The following MDGA2 variants were observed in gnomAD, a reference collection of about 807,000 sequenced individuals.
MDGA2 encodes MAM domain containing glycosylphosphatidylinositol anchor 2.
In MDGA2, 40 loss-of-function variants were observed where a neutral mutation model predicts 117.8. The ratio of observed to expected loss-of-function variants is 0.34; its 90% CI spans 0.26 to 0.44. The LOEUF is 0.44. Among genes scored for constraint, MDGA2 ranks in the 20% least tolerant of loss-of-function variants. The probability of loss-of-function intolerance (pLI) is 1.00; values close to 1 mark genes in which losing one functional copy is unlikely to be tolerated. For missense variants in MDGA2, 1,123 were observed against 1,250.6 expected (o/e 0.90, Z 1.54); for synonymous variants, 452 against 439.0 (o/e 1.03, Z -0.37).
rs182128123 is a variant in MDGA2 at position 47,099,864 on chromosome 14, C to T, written c.926-2741G>A. On this transcript the variant is annotated intron_variant, in intron 5 of 16. Transcript: ENST00000399232. ...GAAGTCCTTTTGATAATAGCTAGTA[C>T]AAAGGATGCACAAAGTGTTTTCTTT... is the stretch of plus-strand genomic sequence containing the variant. 1.3e-3 allele frequency among the ~76,000 whole-genome samples: 198 copies of T among 152,044 alleles called. 3 individuals are homozygous for T. Among genetic ancestry groups the T allele is most frequent in the Non-Finnish European group, 2.2e-4 (15 of 67,918 alleles).
intron 1 of MDGA2, among the ~76,000 whole-genome samples, chr14:47,624,377 G>C (rs1043781635): frequency 1.3e-5 from 2 of 152,170 alleles, no homozygotes; most frequent in Admixed American, 1.3e-4. Flanking sequence ...ACAATCGTTT[G>C]AACCTAGGAG....
chr14:47,144,787 T>C (rs1417577468), intron 3 of MDGA2, among the ~76,000 whole-genome samples: 1 of 149,988 alleles, frequency 6.7e-6, no homozygotes, highest in African/African-American at 2.5e-5. Context: ...TAGCTGAGAC[T>C]ACAGGCATGT....
chr14:47,426,393 C>T (rs1192346419), intron 1 of MDGA2, among the ~76,000 whole-genome samples: 5 of 151,646 alleles, frequency 3.3e-5, no homozygotes, highest in Non-Finnish European at 7.4e-5. Context: ...TTCAGTATGC[C>T]CCTACTTTTT....
chr14:47,133,840 T>A (rs1313536543), intron 4 of MDGA2, among the ~76,000 whole-genome samples: 1 of 151,962 alleles, frequency 6.6e-6, no homozygotes, highest in African/African-American at 2.4e-5. Flanking sequence ...TCATGTTCAA[T>A]CCCAATTATT....
chr14:47,377,537 C>T (rs1378062792), intron 1 of MDGA2, among the ~76,000 whole-genome samples: 1 of 152,140 alleles, frequency 6.6e-6, no homozygotes, highest in Non-Finnish European at 1.5e-5. Context: ...TTCCAACAGT[C>T]TTAGCAAACG....
In MDGA2 at chr14:47,399,796, T is replaced by G. The variant is rs141990158; in HGVS notation, c.281-98246A>C. ...AATGCTGTATAACAATGCATGGTAATTATCAAATTTAGGATATAAAAATAA... is the reference window on the plus strand; with the variant it reads ...AATGCTGTATAACAATGCATGGTAAGTATCAAATTTAGGATATAAAAATAA... On this transcript the variant is annotated intron_variant, in intron 1 of 16. Transcript: ENST00000399232. Among the ~76,000 whole-genome samples, 425 of 152,206 alleles carry G rather than the reference T, an allele frequency of 2.8e-3. 4 individuals carry two copies. Among genetic ancestry groups the G allele is most frequent in the East Asian group, 0.018 (91 of 5,166 alleles).
intron 1 of MDGA2, among the ~76,000 whole-genome samples, chr14:47,363,251 T>G (rs1314928471): frequency 6.6e-6 from 1 of 152,092 alleles, no homozygotes; most frequent in Non-Finnish European, 1.5e-5. Flanking sequence ...TGTGTTTAAT[T>G]TATTTATTTT....
At chr14:47,085,273 T>C (rs1890855992) in intron 6 of MDGA2, among the ~76,000 whole-genome samples, 1 of 152,068 alleles carries the variant, frequency 6.6e-6, no homozygotes, top group Non-Finnish European at 1.5e-5. Context: ...ATTTGAAATA[T>C]AATGGTATAG....
intron 4 of MDGA2, among the ~76,000 whole-genome samples, chr14:47,139,747 T>G (rs1196717013): frequency 6.7e-6 from 1 of 149,454 alleles, no homozygotes; most frequent in Non-Finnish European, 1.5e-5. Flanking sequence ...TATATGTATA[T>G]GTTTATATAA....
chr14:47,668,315 C>T (rs1898013485), intron 1 of MDGA2, among the ~76,000 whole-genome samples: 2 of 152,168 alleles, frequency 1.3e-5, no homozygotes, highest in Non-Finnish European at 2.9e-5. Flanking sequence ...TAATTAAGTA[C>T]ATGCCCCATT....
chr14:46,962,595 C>T (rs1885855272), intron 8 of MDGA2, among the ~76,000 whole-genome samples: 1 of 152,084 alleles, frequency 6.6e-6, no homozygotes, highest in African/African-American at 2.4e-5. Flanking sequence ...TTCAAATAAA[C>T]ATTTTAAATG....
At chr14:46,886,102 A>G (rs1882664399) in intron 10 of MDGA2, among the ~76,000 whole-genome samples, 1 of 152,158 alleles carries the variant, frequency 6.6e-6, no homozygotes, top group Non-Finnish European at 1.5e-5. Flanking sequence ...TCCATGAAAA[A>G]TTGTCTTTCA....
At chr14:47,518,354 GATAA>G (rs1297934021) in intron 1 of MDGA2, among the ~76,000 whole-genome samples, 4 of 152,010 alleles carry the variant, frequency 2.6e-5, no homozygotes, top group African/African-American at 4.8e-5. Flanking sequence ...TCTATATAGA[GATAA>G]ATAATTTCTA....
intron 10 of MDGA2, among the ~76,000 whole-genome samples, chr14:46,897,383 G>A (rs73235212): frequency 0.037 from 5,630 of 152,112 alleles, 364 homozygotes; most frequent in African/African-American, 0.13. Flanking sequence ...GGAGAAACAC[G>A]TGATGTCTTA....
intron 1 of MDGA2, among the ~76,000 whole-genome samples, chr14:47,457,614 A>G (rs1185491495): frequency 2.0e-5 from 3 of 152,160 alleles, no homozygotes; most frequent in Non-Finnish European, 2.9e-5. Flanking sequence ...GTATTCTACA[A>G]TGTTAACTCG....
intron 6 of MDGA2, among the ~76,000 whole-genome samples, chr14:47,061,971 C>T (rs1381291216): frequency 6.6e-6 from 1 of 151,822 alleles, no homozygotes; most frequent in Non-Finnish European, 1.5e-5. Flanking sequence ...TAATACTTTC[C>T]CTATGTCACT....
intron 7 of MDGA2, among the ~76,000 whole-genome samples, chr14:47,038,221 C>T (rs756456858): frequency 1.3e-5 from 2 of 152,126 alleles, no homozygotes; most frequent in Non-Finnish European, 2.9e-5. Context: ...CGTGAGCCAC[C>T]GTGCTCAGCC....
chr14:47,598,247 C>T lies in MDGA2; in HGVS notation c.280+76270G>A, dbSNP rs144345595. Among the ~76,000 whole-genome samples, 109 of 152,250 alleles carry T rather than the reference C, an allele frequency of 7.2e-4. 1 individual carries two copies. Among genetic ancestry groups the T allele is most frequent in the African/African-American group, 2.4e-3 (101 of 41,558 alleles). On this transcript the variant is annotated intron_variant, in intron 1 of 16. Coordinates refer to ENST00000399232, the MANE Select transcript of MDGA2 (RefSeq NM_001113498.3). The stretch of plus-strand genomic sequence containing the variant: ...ATGAAAACATAAAATATTACAGCTG[C>T]TGTGGAAAACAGTCTGGTGCTTCCT...
intron 1 of MDGA2, among the ~76,000 whole-genome samples, chr14:47,474,509 A>T (rs948183061): frequency 3.3e-5 from 5 of 152,178 alleles, no homozygotes; most frequent in African/African-American, 1.2e-4. Flanking sequence ...TGGAACCAAA[A>T]ATGAGCCTGT....
Sources: gnomAD v4.1 joint callset for allele counts (sites outside exome capture counted in the v4.1 genomes callset) on GRCh38, gnomAD v4.1.1 for gene constraint, MANE v1.5 for transcripts, NCBI Gene and HGNC (gene_info 2026-07-23, HGNC 2026-07-21) for gene names.